The following HS6ST3 variants were observed in gnomAD, a reference collection of about 807,000 sequenced individuals.
HS6ST3 encodes the protein heparan-sulfate 6-O-sulfotransferase 3.
HS6ST3 carries 12 observed loss-of-function variants against 36.7 expected under a neutral mutation model. The observed-to-expected ratio is 0.33, with a 90% CI of 0.21 to 0.53. HS6ST3 has a LOEUF of 0.53. Ranked by LOEUF, HS6ST3 falls within the 20% of genes least tolerant of loss-of-function variation. The pLI is 0.95. For synonymous variants in HS6ST3, 240 were observed against 257.5 expected, an observed-to-expected ratio of 0.93 and a Z score of 0.65; for missense variants, 584 against 640.9, an observed-to-expected ratio of 0.91 and a Z score of 0.96.
At chr13:96,522,158 T>C (rs1467637694) in intron 1 of HS6ST3, among the ~76,000 whole-genome samples, 1 of 152,206 alleles carries the variant, frequency 6.6e-6, no homozygotes, top group Non-Finnish European at 1.5e-5. Flanking sequence ...AGTTGTGCGG[T>C]TTTGAGTGAG....
chr13:96,514,254 G>A (rs2056062944), intron 1 of HS6ST3, among the ~76,000 whole-genome samples: 1 of 152,194 alleles, frequency 6.6e-6, no homozygotes, highest in Non-Finnish European at 1.5e-5. Context: ...GAGCGAATGA[G>A]AATTTCCTGG....
intron 1 of HS6ST3, among the ~76,000 whole-genome samples, chr13:96,113,881 G>A (rs967443065): frequency 6.6e-6 from 1 of 152,014 alleles, no homozygotes; most frequent in African/African-American, 2.4e-5. Context: ...GAACAACTAG[G>A]AATTTGGATA....
intron 1 of HS6ST3, among the ~76,000 whole-genome samples, chr13:96,408,004 G>T (rs1228224455): frequency 6.6e-6 from 1 of 152,034 alleles, no homozygotes; most frequent in Non-Finnish European, 1.5e-5. Flanking sequence ...GCAGTGGCAC[G>T]ATCTCGGCTC....
chr13:96,481,219 C>T (rs1445593507), intron 1 of HS6ST3, among the ~76,000 whole-genome samples: 2 of 152,132 alleles, frequency 1.3e-5, no homozygotes, highest in Admixed American at 6.6e-5. Flanking sequence ...TCAAAGTGCA[C>T]GTGACCTAGG....
At chr13:96,826,735 G>A (rs1342076908) in intron 1 of HS6ST3, among the ~76,000 whole-genome samples, 1 of 152,140 alleles carries the variant, frequency 6.6e-6, no homozygotes, top group Non-Finnish European at 1.5e-5. Flanking sequence ...TAACGTGATC[G>A]CCTTACAGCA....
chr13:96,217,072 C>G (rs565099761), intron 1 of HS6ST3, among the ~76,000 whole-genome samples: 1 of 152,134 alleles, frequency 6.6e-6, no homozygotes, highest in African/African-American at 2.4e-5. Context: ...TCTCCTTCTT[C>G]GATCCAATGG....
At chr13:96,271,242 C>T (rs1188585427) in intron 1 of HS6ST3, among the ~76,000 whole-genome samples, 1 of 151,876 alleles carries the variant, frequency 6.6e-6, no homozygotes, top group African/African-American at 2.4e-5. Context: ...ATAGCATTTA[C>T]ACCATACAGA....
chr13:96,419,023 A>C (rs78885370), intron 1 of HS6ST3, among the ~76,000 whole-genome samples: 1 of 152,252 alleles, frequency 6.6e-6, no homozygotes, highest in African/African-American at 2.4e-5. Context: ...TGATTGATTA[A>C]CTGTCTTGAG....
At chr13:96,602,873 C>T (rs564147983) in intron 1 of HS6ST3, among the ~76,000 whole-genome samples, 1 of 152,270 alleles carries the variant, frequency 6.6e-6, no homozygotes, top group East Asian at 1.9e-4. Flanking sequence ...TTCAAGTGGA[C>T]AGTTACCTGT....
At chr13:96,388,233 T>A (rs1341162205) in intron 1 of HS6ST3, among the ~76,000 whole-genome samples, 2 of 152,208 alleles carry the variant, frequency 1.3e-5, no homozygotes, top group Non-Finnish European at 2.9e-5. Context: ...AAAACAACCT[T>A]ACTGAGTCAT....
At chr13:96,711,689 G>A (rs1257659667) in intron 1 of HS6ST3, among the ~76,000 whole-genome samples, 1 of 152,056 alleles carries the variant, frequency 6.6e-6, no homozygotes, top group African/African-American at 2.4e-5. Flanking sequence ...TTAAGCATCT[G>A]CATATCCATA....
At chr13:96,264,612 A>G (rs1291124890) in intron 1 of HS6ST3, among the ~76,000 whole-genome samples, 1 of 152,192 alleles carries the variant, frequency 6.6e-6, no homozygotes, top group Non-Finnish European at 1.5e-5. Flanking sequence ...GCTGAAAACA[A>G]AGTATCTAAT....
chr13:96,299,898 G>A (rs904953819), intron 1 of HS6ST3, among the ~76,000 whole-genome samples: 50 of 152,086 alleles, frequency 3.3e-4, no homozygotes, highest in African/African-American at 1.2e-3. Context: ...CTTTTAAAAA[G>A]GAGGTTTAAT....
chr13:96,665,451 G>GA (rs759152562), intron 1 of HS6ST3, among the ~76,000 whole-genome samples: 1 of 152,006 alleles, frequency 6.6e-6, no homozygotes, highest in Non-Finnish European at 1.5e-5. Context: ...GTATACCAAA[G>GA]AAAAAATGTC....
intron 1 of HS6ST3, among the ~76,000 whole-genome samples, chr13:96,332,597 A>T (rs1336365924): frequency 6.6e-6 from 1 of 152,140 alleles, no homozygotes; most frequent in Non-Finnish European, 1.5e-5. Context: ...AATTTCCCTT[A>T]ATTGTTAGAG....
chr13:96,241,233 A>T (rs552051161), intron 1 of HS6ST3, among the ~76,000 whole-genome samples: 1 of 151,876 alleles, frequency 6.6e-6, no homozygotes, highest in African/African-American at 2.4e-5. Context: ...TCACTATTTG[A>T]TTTTTGTCGT....
intron 1 of HS6ST3, among the ~76,000 whole-genome samples, chr13:96,669,259 T>C (rs1052338112): frequency 6.6e-6 from 1 of 152,208 alleles, no homozygotes; most frequent in Admixed American, 6.5e-5. Context: ...TAATGTTACA[T>C]GTTTACTGCA....
At chr13:96,144,732 C>CT (rs1477424875) in intron 1 of HS6ST3, among the ~76,000 whole-genome samples, 125 of 150,416 alleles carry the variant, frequency 8.3e-4, no homozygotes, top group Middle Eastern at 3.4e-3. Context: ...TGTTGGTGTG[C>CT]GCACCCATTA....
chr13:96,749,393 T>C (rs1335450094), intron 1 of HS6ST3, among the ~76,000 whole-genome samples: 1 of 152,186 alleles, frequency 6.6e-6, no homozygotes, highest in Non-Finnish European at 1.5e-5. Context: ...TAGTTTGGAT[T>C]ATACATATAT....
Sources: allele counts gnomAD v4.1 joint callset (sites outside exome capture counted in the v4.1 genomes callset), GRCh38; gene constraint gnomAD v4.1.1; transcripts MANE v1.5; gene names NCBI Gene and HGNC (gene_info 2026-07-23, HGNC 2026-07-21).